The following GOT1 variants were observed in gnomAD, a reference collection of about 807,000 sequenced individuals.
GOT1 encodes the protein glutamic-oxaloacetic transaminase 1.
Under a neutral mutation model 48.2 loss-of-function variants are expected in GOT1, and 25 were observed. That is an observed-to-expected ratio of 0.52 (90% CI 0.38 to 0.72). The LOEUF is 0.72. Ranked by LOEUF, GOT1 falls within the 30% of genes least tolerant of loss-of-function variation. The probability of loss-of-function intolerance (pLI) is 0.00; values close to 1 mark genes in which losing one functional copy is unlikely to be tolerated. For missense variants in GOT1, 380 were observed against 520.1 expected (o/e 0.73, Z 2.62); for synonymous variants, 188 against 193.8 (o/e 0.97, Z 0.25).
At position 99,406,720 on chromosome 10, in the gene GOT1, A is replaced by C; in HGVS notation, c.424+6T>G. ...TTTTTCCTCTCACTTCAGCTGAAAGACTCACCCCAGGTTGGTGAGGACACA... is the reference window on the plus strand; with the variant it reads ...TTTTTCCTCTCACTTCAGCTGAAAGCCTCACCCCAGGTTGGTGAGGACACA... On this transcript the variant is annotated splice_donor_region_variant and intron_variant, in intron 3 of 8. Coordinates refer to ENST00000370508, the MANE Select transcript of GOT1 (RefSeq NM_002079.3). The C allele has an allele frequency of 6.2e-7, 1 of 1,611,464 alleles. No individual in the cohort carries two copies. The highest frequency in any genetic ancestry group is 8.5e-7 in the Non-Finnish European group (1 of 1,177,984).
At chr10:99,403,430 C>G (rs1432994991) in intron 7 of GOT1, 39 bp downstream of exon 7, 2 of 1,550,428 alleles carry the variant, frequency 1.3e-6, no homozygotes, top group South Asian at 2.3e-5. Context: ...CTGTTCTGCA[C>G]TCCCCACCCC....
At chr10:99,425,942 T>C (rs2033033085) in intron 1 of GOT1, among the ~76,000 whole-genome samples, 1 of 152,162 alleles carries the variant, frequency 6.6e-6, no homozygotes, top group African/African-American at 2.4e-5. Flanking sequence ...ACTTTGTACA[T>C]ACAAGGTACT....
chr10:99,418,384 G>A (rs1189724292), intron 2 of GOT1, among the ~76,000 whole-genome samples: 1 of 151,622 alleles, frequency 6.6e-6, no homozygotes, highest in Non-Finnish European at 1.5e-5. Context: ...CAGTATTAGA[G>A]GAAGAAACTC....
At chr10:99,428,071 G>A (rs1285966431) in intron 1 of GOT1, among the ~76,000 whole-genome samples, 1 of 152,180 alleles carries the variant, frequency 6.6e-6, no homozygotes, top group Non-Finnish European at 1.5e-5. Context: ...CTGTGCTGTC[G>A]GGGTGCTTTT....
At position 99,406,785 on chromosome 10, in the gene GOT1, C is replaced by T. The variant is rs377606233; in HGVS notation, c.365G>A (p.Arg122His). 138 of 1,613,678 alleles carry T rather than the reference C, an allele frequency of 8.6e-5. No homozygotes were observed. Among genetic ancestry groups the T allele is most frequent in the South Asian group, 1.5e-4 (14 of 91,046 alleles). Residue 122 changes from arginine (R) to histidine (H), a missense_variant, in exon 3 of 9, where the codon CGT (arginine) becomes CAT (histidine). Physicochemically the swap from Arg to His is conservative, Grantham distance 29. Coordinates refer to ENST00000370508, the MANE Select transcript of GOT1 (RefSeq NM_002079.3). ...CTTGTTGTTTGTTCCATTGTACCAA[C>T]GCGCTAAGAAATCAGCTCCAATTCG... is the stretch of plus-strand genomic sequence containing the variant. ...ALRIGADFLARWYNGTNNKNT... is the reference protein window; with the variant it reads ...ALRIGADFLAHWYNGTNNKNT...
chr10:99,400,703 G>A (rs545241595), intron 8 of GOT1, among the ~76,000 whole-genome samples: 1 of 152,336 alleles, frequency 6.6e-6, no homozygotes, highest in Non-Finnish European at 1.5e-5. Flanking sequence ...CACTGTGGGA[G>A]GCCAAGGCAG....
intron 1 of GOT1, among the ~76,000 whole-genome samples, chr10:99,426,539 A>G (rs184989023): frequency 6.6e-6 from 1 of 152,240 alleles, no homozygotes; most frequent in African/African-American, 2.4e-5. Flanking sequence ...AGCAGAGTTT[A>G]TCTGGGCCAA....
intron 2 of GOT1, among the ~76,000 whole-genome samples, chr10:99,408,181 A>T (rs538876542): frequency 6.6e-6 from 1 of 152,322 alleles, no homozygotes; most frequent in Admixed American, 6.5e-5. Flanking sequence ...ATTCAGAGAC[A>T]TGTTTTTCCC....
intron 2 of GOT1, among the ~76,000 whole-genome samples, chr10:99,416,254 C>T (rs2032893422): frequency 6.6e-6 from 1 of 152,226 alleles, no homozygotes; most frequent in Non-Finnish European, 1.5e-5. Context: ...TCTCAGGATA[C>T]AAAATCAATG....
chr10:99,428,701 C>T (rs2033072391), intron 1 of GOT1, among the ~76,000 whole-genome samples: 1 of 152,196 alleles, frequency 6.6e-6, no homozygotes, highest in Non-Finnish European at 1.5e-5. Flanking sequence ...GACAGTAATA[C>T]TAGTTCTTTG....
At position 99,430,449 on chromosome 10, in the gene GOT1, TC is replaced by T; in HGVS notation, c.116del (p.Gly39GlufsTer15). 1 of 1,605,906 alleles carries T rather than the reference TC, an allele frequency of 6.2e-7. No homozygotes were observed. Among genetic ancestry groups the T allele is most frequent in the Non-Finnish European group, 8.5e-7 (1 of 1,175,230 alleles). On this transcript the variant is annotated frameshift_variant and splice_region_variant, in exon 1 of 9. Transcript: ENST00000370508. LOFTEE classifies it high-confidence loss of function. ...PDPRKVNLGV[G>X]AYRTDDCHPW... ...CACTCCAGAGCACTACATCCTTACC[TC>T]CCACTCCCAGGTTGACCTTGCGGGG...
At chr10:99,410,217 T>C (rs1021905813) in intron 2 of GOT1, among the ~76,000 whole-genome samples, 2 of 152,232 alleles carry the variant, frequency 1.3e-5, no homozygotes, top group African/African-American at 4.8e-5. Context: ...ATAACACAAA[T>C]GTGCATTTAT....
chr10:99,420,915 A>G, intron 1 of GOT1, 110 bp from the exon 2 acceptor site: 1 of 885,884 alleles, frequency 1.1e-6, no homozygotes, highest in Admixed American at 2.5e-5. Flanking sequence ...AAAACAGAAC[A>G]GTGAAGGAAA....
chr10:99,430,170 G>C (rs1649409816), intron 1 of GOT1: 1 of 773,304 alleles, frequency 1.3e-6, no homozygotes, highest in Non-Finnish European at 2.1e-6. Context: ...GCAGTATAAA[G>C]AAGGCAGAAT....
intron 8 of GOT1, among the ~76,000 whole-genome samples, chr10:99,398,182 G>A (rs574336496): frequency 6.6e-6 from 1 of 152,298 alleles, no homozygotes; most frequent in Non-Finnish European, 1.5e-5. Flanking sequence ...TAACCAATGA[G>A]CTGAGAAATG....
intron 2 of GOT1, among the ~76,000 whole-genome samples, chr10:99,409,241 T>G (rs2032801143): frequency 6.6e-6 from 1 of 152,068 alleles, no homozygotes; most frequent in Non-Finnish European, 1.5e-5. Context: ...CAAGTGATTC[T>G]CCTGCCTCAG....
intron 2 of GOT1, among the ~76,000 whole-genome samples, chr10:99,413,369 G>A (rs1456582295): frequency 1.3e-5 from 2 of 152,174 alleles, no homozygotes; most frequent in African/African-American, 4.8e-5. Flanking sequence ...ATGAAATGAA[G>A]TGAGAAGAGA....
intron 2 of GOT1, among the ~76,000 whole-genome samples, chr10:99,409,234 G>C (rs1411677373): frequency 6.6e-6 from 1 of 152,032 alleles, no homozygotes; most frequent in African/African-American, 2.4e-5. Flanking sequence ...CTGGGTTCAA[G>C]TGATTCTCCT....
chr10:99,414,900 A>G (rs575275812), intron 2 of GOT1, among the ~76,000 whole-genome samples: 1 of 152,312 alleles, frequency 6.6e-6, no homozygotes, highest in Non-Finnish European at 1.5e-5. Flanking sequence ...CACCGAGAAC[A>G]AAGACACAAC....
Sources: gnomAD v4.1 joint callset for allele counts (sites outside exome capture counted in the v4.1 genomes callset) on GRCh38, gnomAD v4.1.1 for gene constraint, MANE v1.5 for transcripts, NCBI Gene and HGNC (gene_info 2026-07-23, HGNC 2026-07-21) for gene names.